The following CSMD2 variants were observed in gnomAD, a reference collection of about 807,000 sequenced individuals.
CSMD2 encodes CUB and sushi domain-containing protein 2.
Under a neutral mutation model 398.5 loss-of-function variants are expected in CSMD2, and 130 were observed. That is an observed-to-expected ratio of 0.33 (90% confidence interval 0.28 to 0.38). The LOEUF is 0.38. Among genes scored for constraint, CSMD2 ranks in the 10% least tolerant of loss-of-function variants. CSMD2 has a pLI of 1.00. For missense variants in CSMD2, 3,829 were observed against 4,764.9 expected, an observed-to-expected ratio of 0.80 and a Z score of 5.78; for synonymous variants, 1,828 against 1,908.5, an observed-to-expected ratio of 0.96 and a Z score of 1.10.
At chr1:33,698,665 G>T in intron 24 of CSMD2, 88 bp downstream of exon 24, 2 of 1,286,534 alleles carry the variant, frequency 1.6e-6, no homozygotes, top group Non-Finnish European at 2.1e-6. Flanking sequence ...AGGCCCTGGA[G>T]CATGGGGTCT....
intron 19 of CSMD2, among the ~76,000 whole-genome samples, chr1:33,722,352 T>A (rs187671140): frequency 1.2e-3 from 184 of 152,364 alleles, no homozygotes; most frequent in Non-Finnish European, 1.3e-3. Flanking sequence ...TCGAGACTTT[T>A]GATTCACATC....
In CSMD2 at chr1:33,626,547, A is replaced by C; in HGVS notation, c.5235T>G (p.Val1745=). The stretch of plus-strand genomic sequence containing the variant: ...GGCCTTTGGCGCTGAACTTAATGAG[A>C]ACTTGATTGGAGGTGGCCAAGGGCA... ...ESLPLATSNQ[V]LIKFSAKGLA... Residue 1745 remains valine, a synonymous_variant, in exon 33 of 71, where the codon GTT becomes GTG. Transcript: ENST00000373381. 1 of 1,607,442 alleles carries C rather than the reference A, an allele frequency of 6.2e-7. No individual in the cohort carries two copies. Among genetic ancestry groups the C allele is most frequent in the Non-Finnish European group, 8.5e-7 (1 of 1,177,474 alleles).
intron 2 of CSMD2, among the ~76,000 whole-genome samples, chr1:34,043,625 G>A (rs1189607952): frequency 1.3e-5 from 2 of 152,162 alleles, no homozygotes; most frequent in Non-Finnish European, 2.9e-5. Context: ...GTTTCACTAT[G>A]AGAAAGCAGA....
At chr1:33,714,901 C>T in intron 20 of CSMD2, 126 bp from the exon 21 acceptor site, 2 of 867,878 alleles carry the variant, frequency 2.3e-6, no homozygotes, top group Admixed American at 5.0e-5. Context: ...GAGAAGAGGG[C>T]ATGCGCACAC....
chr1:34,062,486 C>T (rs918587446), intron 2 of CSMD2, among the ~76,000 whole-genome samples: 1 of 152,114 alleles, frequency 6.6e-6, no homozygotes, highest in Non-Finnish European at 1.5e-5. Context: ...GACATGCATT[C>T]GAGCTGGCAG....
At chr1:33,662,220 A>G (rs907537342) in intron 26 of CSMD2, among the ~76,000 whole-genome samples, 6 of 151,978 alleles carry the variant, frequency 3.9e-5, no homozygotes, top group Non-Finnish European at 7.4e-5. Flanking sequence ...AATTTAGATG[A>G]CTCATGTTCA....
At position 33,601,005 on chromosome 1, in the gene CSMD2, C is replaced by T; in HGVS notation, c.6716G>A (p.Gly2239Glu). The T allele has an allele frequency of 6.2e-7, 1 of 1,614,154 alleles. No homozygotes were observed. The highest frequency in any genetic ancestry group is 1.1e-5 in the South Asian group (1 of 91,074). The change falls in exon 44 of 71, where the codon GGG becomes GAG. Residue 2239 changes from glycine to glutamate, a missense_variant. By Grantham distance (98) the Gly-to-Glu change is moderately conservative (BLOSUM62 -2). This residue lies in a region of CSMD2 where 723 missense variants were observed against 758.6 expected (regional missense o/e 0.95). Transcript: ENST00000373381. ...PSGDFITIWD[G>E]PQQTAPRLGV... ...GAGCCGTGGTGCTGTTTGCTGTGGC[C>T]CATCCCTGTACACAGGAAACAAGGT...
intron 15 of CSMD2, among the ~76,000 whole-genome samples, chr1:33,735,547 G>A (rs563948753): frequency 2.0e-5 from 3 of 152,240 alleles, no homozygotes; most frequent in South Asian, 2.1e-4. Flanking sequence ...ATTCACTTCC[G>A]TATTGTCTAA....
chr1:33,977,919 G>A (rs1212233385), intron 3 of CSMD2, among the ~76,000 whole-genome samples: 2 of 152,130 alleles, frequency 1.3e-5, no homozygotes, highest in African/African-American at 4.8e-5. Context: ...ACAGAAGCGG[G>A]CAGGGGTCCC....
At chr1:33,977,124 C>T (rs1228241690) in intron 3 of CSMD2, among the ~76,000 whole-genome samples, 3 of 152,026 alleles carry the variant, frequency 2.0e-5, no homozygotes, top group Non-Finnish European at 2.9e-5. Flanking sequence ...AACAATTCCA[C>T]CTACTCTGAG....
At chr1:33,785,794 A>G (rs1193860652) in intron 12 of CSMD2, among the ~76,000 whole-genome samples, 1 of 152,224 alleles carries the variant, frequency 6.6e-6, no homozygotes, top group Non-Finnish European at 1.5e-5. Context: ...CAGGCTTTCA[A>G]CAAGTGGTAT....
chr1:33,617,748 G>C, intron 37 of CSMD2, 131 bp from the exon 38 acceptor site: 1 of 677,882 alleles, frequency 1.5e-6, no homozygotes, highest in Non-Finnish European at 2.7e-6. Flanking sequence ...TCATCCTGTA[G>C]GCTAGTTCTT....
At chr1:33,759,258 G>T (rs562374836) in intron 13 of CSMD2, among the ~76,000 whole-genome samples, 1 of 151,922 alleles carries the variant, frequency 6.6e-6, no homozygotes, top group South Asian at 2.1e-4. Flanking sequence ...GAGCGGCATG[G>T]GATGAGGGGG....
intron 29 of CSMD2, among the ~76,000 whole-genome samples, chr1:33,640,907 A>G (rs1230283428): frequency 6.6e-6 from 1 of 152,196 alleles, no homozygotes; most frequent in Non-Finnish European, 1.5e-5. Flanking sequence ...CCAGGCCCAC[A>G]GTGTTACTTC....
At chr1:34,021,403 G>A (rs892340392) in intron 3 of CSMD2, among the ~76,000 whole-genome samples, 1 of 152,130 alleles carries the variant, frequency 6.6e-6, no homozygotes, top group Non-Finnish European at 1.5e-5. Context: ...AGCAGTTGAA[G>A]GACAACCCTC....
chr1:34,072,648 A>G (rs1290601943), intron 2 of CSMD2, among the ~76,000 whole-genome samples: 1 of 152,194 alleles, frequency 6.6e-6, no homozygotes, highest in Non-Finnish European at 1.5e-5. Flanking sequence ...TTTGGCTGCT[A>G]TTAAACAGCA....
intron 39 of CSMD2, among the ~76,000 whole-genome samples, chr1:33,615,837 C>T (rs758020694): frequency 2.0e-5 from 3 of 152,214 alleles, no homozygotes; most frequent in East Asian, 1.9e-4. Context: ...GAAATGCCAT[C>T]GTGCTTGAGT....
At chr1:33,698,614 T>C in intron 24 of CSMD2, 139 bp downstream of exon 24, 1 of 684,006 alleles carries the variant, frequency 1.5e-6, no homozygotes, top group Non-Finnish European at 2.4e-6. Context: ...TGAACCATGA[T>C]GCCTGTTAAC....
intron 3 of CSMD2, among the ~76,000 whole-genome samples, chr1:34,014,170 G>T (rs1443699096): frequency 6.6e-6 from 1 of 152,206 alleles, no homozygotes; most frequent in African/African-American, 2.4e-5. Flanking sequence ...CTCACCCAGA[G>T]CGCCCCCTGG....
Sources: allele counts gnomAD v4.1 joint callset (sites outside exome capture counted in the v4.1 genomes callset), GRCh38; gene constraint gnomAD v4.1.1; regional missense constraint gnomAD v4.1.1; transcripts MANE v1.5; gene names NCBI Gene and HGNC (gene_info 2026-07-23, HGNC 2026-07-21).